The following TCF12 variants were observed in gnomAD, a reference collection of about 807,000 sequenced individuals.
TCF12 encodes DNA-binding protein HTF4.
Under a neutral mutation model 86.0 loss-of-function variants are expected in TCF12, and 45 were observed. The observed-to-expected ratio is 0.52, with a 90% CI of 0.41 to 0.67. TCF12 has a LOEUF of 0.67. Ranked by LOEUF, TCF12 falls within the 30% of genes least tolerant of loss-of-function variation. The pLI is 0.00. For missense variants in TCF12, 881 were observed against 859.9 expected (o/e 1.02, Z -0.31); for synonymous variants, 330 against 299.6 (o/e 1.10, Z -1.05).
rs1327317206 is a variant in TCF12 at position 57,247,291 on chromosome 15, G to C, written c.1114+3741G>C. 5 of 656,322 alleles carry C rather than the reference G, an allele frequency of 7.6e-6. No individual in the cohort carries two copies. The African/African-American group carries it at 8.9e-5, about 12-fold the overall frequency. The allele number at this position is 656,322 out of a possible 1,614,324, so 40.7% of individuals were successfully genotyped here. ...CACCTCCTCCATAACTACCTCTGCT[G>C]CCACCACCTTCACCACCATAGCCTC... On this transcript the variant is annotated intron_variant, in intron 13 of 20. Coordinates refer to ENST00000333725, the MANE Select transcript of TCF12 (RefSeq NM_207037.2).
chr15:57,027,836 G>A (rs2065909472), intron 3 of TCF12, among the ~76,000 whole-genome samples: 1 of 152,022 alleles, frequency 6.6e-6, no homozygotes, highest in Admixed American at 6.6e-5. Context: ...TTTATAAAGG[G>A]CAGTTCCCCT....
At chr15:57,231,558 G>A (rs1431270241) in intron 9 of TCF12, among the ~76,000 whole-genome samples, 1 of 152,108 alleles carries the variant, frequency 6.6e-6, no homozygotes, top group Admixed American at 6.6e-5. Flanking sequence ...TATGAAAACT[G>A]TTAACTCTAG....
intron 3 of TCF12, among the ~76,000 whole-genome samples, chr15:56,958,270 T>C (rs1279930969): frequency 3.9e-5 from 6 of 152,224 alleles, no homozygotes; most frequent in Admixed American, 2.0e-4. Context: ...CTGCAAACTT[T>C]CTTAGCTTAG....
At chr15:57,145,512 A>G (rs1483049292) in intron 5 of TCF12, among the ~76,000 whole-genome samples, 13 of 152,218 alleles carry the variant, frequency 8.5e-5, no homozygotes, top group African/African-American at 3.1e-4. Context: ...ACTAGGGATC[A>G]TTGATAATGA....
chr15:56,924,113 TTCAG>T (rs1826768747), intron 3 of TCF12, among the ~76,000 whole-genome samples: 1 of 152,164 alleles, frequency 6.6e-6, no homozygotes, highest in Admixed American at 6.5e-5. Flanking sequence ...TAAATTACTC[TTCAG>T]TATTTCTATT....
intron 5 of TCF12, among the ~76,000 whole-genome samples, chr15:57,158,719 A>G (rs753915701): frequency 6.6e-6 from 1 of 152,208 alleles, no homozygotes; most frequent in African/African-American, 2.4e-5. Flanking sequence ...ACTGACCTCT[A>G]TAGGGATCCT....
intron 3 of TCF12, among the ~76,000 whole-genome samples, chr15:57,056,740 A>G (rs1466462032): frequency 6.6e-6 from 1 of 151,850 alleles, no homozygotes; most frequent in African/African-American, 2.4e-5. Flanking sequence ...ATTACGGGAA[A>G]GAGACACCAC....
intron 6 of TCF12, among the ~76,000 whole-genome samples, chr15:57,187,042 G>C (rs764290747): frequency 1.3e-5 from 2 of 152,040 alleles, no homozygotes; most frequent in Non-Finnish European, 2.9e-5. Flanking sequence ...TTAGCCAGGC[G>C]TGGTGGCACA....
chr15:57,210,110 T>G (rs1257510124), intron 8 of TCF12, among the ~76,000 whole-genome samples: 1 of 152,126 alleles, frequency 6.6e-6, no homozygotes, highest in Non-Finnish European at 1.5e-5. Flanking sequence ...AATTCGTTTA[T>G]TCTTTATCTG....
chr15:57,089,602 T>A (rs1247223447), intron 4 of TCF12, among the ~76,000 whole-genome samples: 2 of 130,478 alleles, frequency 1.5e-5, no homozygotes, highest in African/African-American at 2.9e-5. Flanking sequence ...TTTTTTTTTT[T>A]AACTGTAGTG....
intron 3 of TCF12, among the ~76,000 whole-genome samples, chr15:56,966,348 C>T (rs955177080): frequency 2.6e-5 from 4 of 152,176 alleles, no homozygotes; most frequent in African/African-American, 9.7e-5. Context: ...TTTGCCATTA[C>T]TTTCAATGGC....
chr15:57,243,680 T>A, intron 13 of TCF12, 130 bp downstream of exon 13: 1 of 708,292 alleles, frequency 1.4e-6, no homozygotes, highest in Non-Finnish European at 2.3e-6. Context: ...AGAAAGTGTG[T>A]AAAGAGAGCC....
intron 6 of TCF12, among the ~76,000 whole-genome samples, chr15:57,171,197 A>G (rs2055467796): frequency 6.6e-6 from 1 of 152,080 alleles, no homozygotes; most frequent in African/African-American, 2.4e-5. Context: ...TGCTATATAC[A>G]AGATTTAAAG....
intron 5 of TCF12, among the ~76,000 whole-genome samples, chr15:57,097,694 C>G (rs1165146984): frequency 6.6e-6 from 1 of 151,988 alleles, no homozygotes; most frequent in African/African-American, 2.4e-5. Context: ...TTTAATAACC[C>G]TAAATTTCAT....
chr15:57,202,912 C>T (rs1276007878), intron 8 of TCF12, among the ~76,000 whole-genome samples: 1 of 152,092 alleles, frequency 6.6e-6, no homozygotes, highest in African/African-American at 2.4e-5. Flanking sequence ...CTTCATTATT[C>T]TAGCTAGTTC....
chr15:57,151,096 C>G (rs2053719448), intron 5 of TCF12, among the ~76,000 whole-genome samples: 1 of 151,528 alleles, frequency 6.6e-6, no homozygotes, highest in Non-Finnish European at 1.5e-5. Flanking sequence ...TCCTGCTTCA[C>G]CCTCCCAAGT....
chr15:57,064,795 C>CAAAAAAAAA lies in TCF12; in HGVS notation c.222+982_222+990dup, dbSNP rs1177544594. Among the ~76,000 whole-genome samples the CAAAAAAAAA allele has an allele frequency of 3.2e-3, 248 of 78,040 alleles. 14 individuals are homozygous for CAAAAAAAAA. The highest frequency in any genetic ancestry group is 0.017 in the African/African-American group (239 of 13,686). 51.2% of individuals were successfully genotyped at this position (78,040 alleles called of 152,430 possible). On this transcript the variant is annotated intron_variant, in intron 4 of 20. Transcript: ENST00000333725. ...TGGGCCACAGAGTGAGACTCCATCT[C>CAAAAAAAAA]AAAAAAAAAAAAAAAAAAGAGAGAG... is the stretch of plus-strand genomic sequence containing the variant.
intron 4 of TCF12, among the ~76,000 whole-genome samples, chr15:57,072,166 A>G (rs1482686292): frequency 1.3e-5 from 2 of 152,186 alleles, no homozygotes; most frequent in African/African-American, 2.4e-5. Flanking sequence ...GATTGGGAGG[A>G]TAGTAATCAG....
At chr15:57,147,295 T>A (rs1277516880) in intron 5 of TCF12, among the ~76,000 whole-genome samples, 1 of 152,246 alleles carries the variant, frequency 6.6e-6, no homozygotes, top group Non-Finnish European at 1.5e-5. Context: ...AGCATGGTAT[T>A]TGTTTAACAT....
Sources: gnomAD v4.1 joint callset for allele counts (sites outside exome capture counted in the v4.1 genomes callset) on GRCh38, gnomAD v4.1.1 for gene constraint, MANE v1.5 for transcripts, NCBI Gene and HGNC (gene_info 2026-07-23, HGNC 2026-07-21) for gene names.